Variants in KIAA1217 observed in about 807,000 individuals in gnomAD.
KIAA1217 encodes the protein sickle tail protein homolog.
A neutral mutation model predicts 163.9 loss-of-function variants in KIAA1217; 88 were observed. The observed-to-expected ratio is 0.54, with a 90% CI of 0.45 to 0.64. The LOEUF (loss-of-function observed/expected upper bound fraction) is 0.64, where lower values mean the gene tolerates loss of function less well. KIAA1217 is among the 30% of genes least tolerant of loss of function. The probability of loss-of-function intolerance (pLI) is 0.00; values close to 1 mark genes in which losing one functional copy is unlikely to be tolerated. For synonymous variants in KIAA1217, 903 were observed against 923.1 expected (o/e 0.98, Z 0.39); for missense variants, 2,372 against 2,475.0 (o/e 0.96, Z 0.88).
intron 1 of KIAA1217, among the ~76,000 whole-genome samples, chr10:23,818,844 T>A (rs775392990): frequency 6.6e-6 from 1 of 152,158 alleles, no homozygotes; most frequent in African/African-American, 2.4e-5. Context: ...CTGGTGACTA[T>A]TTCCTTGCCC....
chr10:24,100,724 A>T (rs924576910), intron 2 of KIAA1217, among the ~76,000 whole-genome samples: 10 of 152,224 alleles, frequency 6.6e-5, no homozygotes, highest in African/African-American at 2.4e-4. Context: ...TTCTCATACT[A>T]TAGAATATAT....
intron 2 of KIAA1217, among the ~76,000 whole-genome samples, chr10:24,310,888 T>A (rs2042613727): frequency 6.6e-6 from 1 of 152,040 alleles, no homozygotes; most frequent in Admixed American, 6.5e-5. Context: ...TCCTAGCTAT[T>A]TGAGAGGCTG....
intron 1 of KIAA1217, among the ~76,000 whole-genome samples, chr10:23,994,353 A>G (rs1022601323): frequency 6.6e-6 from 1 of 152,124 alleles, no homozygotes; most frequent in African/African-American, 2.4e-5. Flanking sequence ...GATGTAGTGG[A>G]AATCTCCTTT....
intron 2 of KIAA1217, among the ~76,000 whole-genome samples, chr10:24,049,473 A>C (rs901551887): frequency 6.6e-6 from 1 of 152,192 alleles, no homozygotes; most frequent in African/African-American, 2.4e-5. Flanking sequence ...TTTGTTACAT[A>C]GGTATAGACA....
intron 1 of KIAA1217, among the ~76,000 whole-genome samples, chr10:23,861,880 A>T (rs1489570277): frequency 6.6e-6 from 1 of 152,232 alleles, no homozygotes; most frequent in African/African-American, 2.4e-5. Flanking sequence ...AGAGAAATCA[A>T]TTGAGCCACC....
intron 12 of KIAA1217, among the ~76,000 whole-genome samples, chr10:24,522,841 G>T (rs1029014754): frequency 4.6e-5 from 7 of 152,198 alleles, no homozygotes; most frequent in South Asian, 2.1e-4. Context: ...ATTACAGGCG[G>T]TGGCGTGCCT....
chr10:24,391,042 A>G (rs530481408), intron 3 of KIAA1217, among the ~76,000 whole-genome samples: 14 of 152,336 alleles, frequency 9.2e-5, no homozygotes, highest in Admixed American at 7.8e-4. Context: ...TTGAAACTCT[A>G]GAAGAGATTT....
At chr10:23,879,992 C>T (rs761621195) in intron 1 of KIAA1217, among the ~76,000 whole-genome samples, 4 of 151,794 alleles carry the variant, frequency 2.6e-5, no homozygotes, top group Non-Finnish European at 5.9e-5. Flanking sequence ...TAGGCAAATG[C>T]TTCTGGTGGT....
At chr10:23,813,011 CCTGA>C (rs1837145039) in intron 1 of KIAA1217, among the ~76,000 whole-genome samples, 1 of 152,062 alleles carries the variant, frequency 6.6e-6, no homozygotes, top group Admixed American at 6.6e-5. Flanking sequence ...TTGAGGACTG[CCTGA>C]CTGTTTTCCA....
At chr10:23,975,283 C>T (rs1349596839) in intron 1 of KIAA1217, among the ~76,000 whole-genome samples, 1 of 152,170 alleles carries the variant, frequency 6.6e-6, no homozygotes, top group African/African-American at 2.4e-5. Context: ...GCTCCCCGCA[C>T]TCCTTTCTGA....
rs115395472 is a variant in KIAA1217, at chr10:23,918,853, C to G, written c.-320-88372C>G. ...AGTTTGCTGACAGCAGATGCCAAGA[C>G]AATTGTCTTTGCACCTCCAGGGCTG... On this transcript the variant is annotated intron_variant, in intron 1 of 18. Coordinates refer to the KIAA1217 transcript ENST00000376462. Among the ~76,000 whole-genome samples, 1,007 of 152,148 alleles carry G rather than the reference C, an allele frequency of 6.6e-3. 11 individuals are homozygous for G. The highest frequency in any genetic ancestry group is 0.021 in the African/African-American group (877 of 41,508).
chr10:24,039,946 C>G lies in KIAA1217; in HGVS notation c.-171+32572C>G, dbSNP rs184560062. ...ATAATCCCCTTGATTTTTCCCCTTTCCCTTGTAAAATTAGTCTAATTACAC... is the reference window on the plus strand; with the variant it reads ...ATAATCCCCTTGATTTTTCCCCTTTGCCTTGTAAAATTAGTCTAATTACAC... On this transcript the variant is annotated intron_variant, in intron 2 of 18. Transcript: ENST00000376462. 2.8e-3 allele frequency among the ~76,000 whole-genome samples: 421 copies of G among 152,254 alleles called. 1 individual carries two copies. Among genetic ancestry groups the G allele is most frequent in the African/African-American group, 9.4e-3 (391 of 41,546 alleles).
At chr10:24,191,406 A>G (rs905527703) in intron 2 of KIAA1217, among the ~76,000 whole-genome samples, 6 of 152,198 alleles carry the variant, frequency 3.9e-5, no homozygotes, top group Non-Finnish European at 8.8e-5. Context: ...TGATAGTACA[A>G]TAGGGTGACT....
At chr10:24,174,977 C>A (rs1259188350) in intron 2 of KIAA1217, among the ~76,000 whole-genome samples, 1 of 151,996 alleles carries the variant, frequency 6.6e-6, no homozygotes, top group Non-Finnish European at 1.5e-5. Context: ...CTTGCCTCAG[C>A]CTTCCAAGCA....
intron 2 of KIAA1217, among the ~76,000 whole-genome samples, chr10:24,343,588 G>T (rs1453767103): frequency 6.6e-6 from 1 of 152,166 alleles, no homozygotes; most frequent in Non-Finnish European, 1.5e-5. Flanking sequence ...AAATTTTCAT[G>T]CAATCAACCT....
chr10:23,718,826 G>A (rs1792883265), intron 1 of KIAA1217, among the ~76,000 whole-genome samples: 1 of 145,344 alleles, frequency 6.9e-6, no homozygotes, highest in Middle Eastern at 3.5e-3. Context: ...AACTTGGAGA[G>A]AGGGATTGAG....
chr10:24,067,891 A>T (rs2061026491), intron 2 of KIAA1217, among the ~76,000 whole-genome samples: 1 of 150,710 alleles, frequency 6.6e-6, no homozygotes, highest in South Asian at 2.1e-4. Flanking sequence ...TTGATCTCAG[A>T]CTGCTGTGCT....
chr10:24,317,857 T>A (rs1430880266), intron 2 of KIAA1217, among the ~76,000 whole-genome samples: 3 of 152,184 alleles, frequency 2.0e-5, no homozygotes, highest in South Asian at 2.1e-4. Flanking sequence ...GAAAATACAA[T>A]CACATCAATT....
intron 3 of KIAA1217, among the ~76,000 whole-genome samples, chr10:24,386,408 G>T (rs6482390): frequency 0.4 from 60,223 of 151,984 alleles, 14,417 homozygotes; most frequent in African/African-American, 0.68. Context: ...CTTCCATCCT[G>T]TGTACATGCA....
Sources: gnomAD v4.1 joint callset for allele counts (sites outside exome capture counted in the v4.1 genomes callset) on GRCh38, gnomAD v4.1.1 for gene constraint, MANE v1.5 for transcripts, NCBI Gene and HGNC (gene_info 2026-07-23, HGNC 2026-07-21) for gene names.